The following DNAJC1 variants were observed in gnomAD, a reference collection of about 807,000 sequenced individuals.
The protein encoded by DNAJC1 is DnaJ heat shock protein family (Hsp40) member C1.
Under a neutral mutation model 76.6 loss-of-function variants are expected in DNAJC1, and 58 were observed. That is an observed-to-expected ratio of 0.76 (90% CI 0.61 to 0.94). The LOEUF is 0.94. DNAJC1 is among the 40% of genes least tolerant of loss of function. The pLI, the probability that DNAJC1 is intolerant of heterozygous loss-of-function variation, is 0.00. For missense variants in DNAJC1, 689 were observed against 677.3 expected, an observed-to-expected ratio of 1.02 and a Z score of -0.19; for synonymous variants, 258 against 267.9, an observed-to-expected ratio of 0.96 and a Z score of 0.36.
intron 8 of DNAJC1, among the ~76,000 whole-genome samples, chr10:21,881,244 A>G (rs549151179): frequency 6.6e-6 from 1 of 152,362 alleles, no homozygotes; most frequent in South Asian, 2.1e-4. Flanking sequence ...AACTTTCTCC[A>G]TATCAGCAAT....
intron 9 of DNAJC1, among the ~76,000 whole-genome samples, chr10:21,770,031 C>T (rs1249293400): frequency 6.6e-6 from 1 of 152,162 alleles, no homozygotes; most frequent in African/African-American, 2.4e-5. Flanking sequence ...TGCTTTTCCT[C>T]CATTGCTTAA....
intron 3 of DNAJC1, among the ~76,000 whole-genome samples, chr10:21,924,076 AACT>A (rs2131774579): frequency 6.6e-6 from 1 of 152,172 alleles, no homozygotes; most frequent in African/African-American, 2.4e-5. Context: ...ACTGAATAAA[AACT>A]ACTTGTACAA....
intron 9 of DNAJC1, among the ~76,000 whole-genome samples, chr10:21,784,007 C>T (rs1340123579): frequency 6.6e-6 from 1 of 152,172 alleles, no homozygotes; most frequent in Non-Finnish European, 1.5e-5. Context: ...GACTTTATAT[C>T]TAAAACACCA....
intron 1 of DNAJC1, among the ~76,000 whole-genome samples, chr10:21,947,657 T>TG (rs371887946): frequency 2.6e-4 from 39 of 152,340 alleles, no homozygotes; most frequent in African/African-American, 8.7e-4. Context: ...TCCACTGTGC[T>TG]GGGGGATCGG....
chr10:21,900,177 T>C (rs1836625335), intron 7 of DNAJC1, among the ~76,000 whole-genome samples: 1 of 151,984 alleles, frequency 6.6e-6, no homozygotes, highest in South Asian at 2.1e-4. Flanking sequence ...ACCCCGTTTC[T>C]ATTAAAAATA....
intron 8 of DNAJC1, among the ~76,000 whole-genome samples, chr10:21,856,299 T>TAA (rs1564809163): frequency 6.6e-6 from 1 of 152,178 alleles, no homozygotes; most frequent in Non-Finnish European, 1.5e-5. Context: ...TAAACATAAT[T>TAA]AAATTATACA....
chr10:21,862,475 C>T (rs1157548864), intron 8 of DNAJC1, among the ~76,000 whole-genome samples: 1 of 147,126 alleles, frequency 6.8e-6, no homozygotes, highest in Non-Finnish European at 1.5e-5. Context: ...GTCACCCAGG[C>T]TGGAGTGCAG....
At chr10:21,759,717 G>GC (rs1414892217) in intron 10 of DNAJC1, 99 bp from the exon 11 acceptor site, 2 of 1,041,216 alleles carry the variant, frequency 1.9e-6, no homozygotes, top group Non-Finnish European at 2.8e-6. Flanking sequence ...AGCGCACTAG[G>GC]CATTTTGCAT....
chr10:21,837,202 T>G (rs1835476094), intron 8 of DNAJC1, among the ~76,000 whole-genome samples: 1 of 152,230 alleles, frequency 6.6e-6, no homozygotes, highest in African/African-American at 2.4e-5. Flanking sequence ...CGGAGTCTCG[T>G]TCACTCAGTG....
chr10:21,857,629 G>C (rs1223131319), intron 8 of DNAJC1, among the ~76,000 whole-genome samples: 1 of 152,126 alleles, frequency 6.6e-6, no homozygotes, highest in Non-Finnish European at 1.5e-5. Context: ...GGGGATGTGT[G>C]TATATGTATC....
intron 9 of DNAJC1, among the ~76,000 whole-genome samples, chr10:21,773,072 A>G (rs1365647803): frequency 6.6e-6 from 1 of 152,176 alleles, no homozygotes; most frequent in Admixed American, 6.5e-5. Context: ...TCCCACAAGG[A>G]CCCACCTCCG....
At chr10:21,869,209 A>G (rs759826965) in intron 8 of DNAJC1, among the ~76,000 whole-genome samples, 79 of 111,912 alleles carry the variant, frequency 7.1e-4, no homozygotes, top group Non-Finnish European at 1.1e-3. Context: ...GAATGAGACC[A>G]TATCTCAAAA....
chr10:21,784,897 T>C (rs938465502), intron 9 of DNAJC1, among the ~76,000 whole-genome samples: 1 of 151,350 alleles, frequency 6.6e-6, no homozygotes, highest in African/African-American at 2.4e-5. Flanking sequence ...CCGGGGCCTG[T>C]CATGGGGTGG....
chr10:21,887,204 C>T (rs1247410477), intron 7 of DNAJC1, among the ~76,000 whole-genome samples: 1 of 151,744 alleles, frequency 6.6e-6, no homozygotes, highest in Non-Finnish European at 1.5e-5. Context: ...AGTTCTATGA[C>T]GAGAATTACA....
chr10:21,792,107 C>T (rs1159137752), intron 9 of DNAJC1, among the ~76,000 whole-genome samples: 1 of 152,104 alleles, frequency 6.6e-6, no homozygotes. Flanking sequence ...TTTCAGAGCA[C>T]AACCGCTGAT....
At chr10:21,756,995 G>A (rs1303651477) in intron 11 of DNAJC1, among the ~76,000 whole-genome samples, 1 of 152,228 alleles carries the variant, frequency 6.6e-6, no homozygotes, top group East Asian at 1.9e-4. Flanking sequence ...AGGGGCTGGG[G>A]CGGCCGTTTG....
At chr10:21,963,188 G>A (rs1837829290) in intron 1 of DNAJC1, among the ~76,000 whole-genome samples, 1 of 152,146 alleles carries the variant, frequency 6.6e-6, no homozygotes, top group Admixed American at 6.5e-5. Context: ...ACAGAAATAT[G>A]CATATGTCTC....
chr10:21,905,187 T>C (rs982413571), intron 6 of DNAJC1, among the ~76,000 whole-genome samples: 1 of 151,324 alleles, frequency 6.6e-6, no homozygotes. Context: ...TGCATACATA[T>C]ACTTAGGTGT....
intron 9 of DNAJC1, among the ~76,000 whole-genome samples, chr10:21,783,607 A>C (rs527444572): frequency 6.6e-6 from 1 of 152,152 alleles, no homozygotes; most frequent in Admixed American, 6.5e-5. Context: ...AATCCTAAGC[A>C]AAAAGAACAA....
Sources: allele counts gnomAD v4.1 joint callset (sites outside exome capture counted in the v4.1 genomes callset), GRCh38; gene constraint gnomAD v4.1.1; transcripts MANE v1.5; gene names NCBI Gene and HGNC (gene_info 2026-07-23, HGNC 2026-07-21).